The following AFF4 variants were observed in gnomAD, a reference collection of about 807,000 sequenced individuals.
AFF4 encodes the protein AF4/FMR2 family member 4.
In AFF4, 13 loss-of-function variants were observed where a neutral mutation model predicts 124.8. The observed-to-expected ratio is 0.10, with a 90% confidence interval of 0.07 to 0.17. AFF4 has a LOEUF of 0.17. AFF4 is among the 10% of genes least tolerant of loss of function. The probability of loss-of-function intolerance (pLI) is 1.00; values close to 1 mark genes in which losing one functional copy is unlikely to be tolerated. For synonymous variants in AFF4, 477 were observed against 496.1 expected, an observed-to-expected ratio of 0.96 and a Z score of 0.51; for missense variants, 1,092 against 1,403.8, an observed-to-expected ratio of 0.78 and a Z score of 3.55.
Position 132,934,511 on chromosome 5 carries a change from T to A in AFF4, c.554A>T (p.Gln185Leu), listed in dbSNP as rs137880283. ...KSRSSSPGKP[Q>L]AVSSLNSSHS... ...ACTAGAGTTTAATGAAGAAACAGCC[T>A]GGGGTTTTCCAGGGCTGGAAGAACG... is the stretch of plus-strand genomic sequence containing the variant. Residue 185 changes from glutamine to leucine, a missense_variant, in exon 3 of 21, where the codon CAG becomes CTG. This residue lies in a region of AFF4 where 188 missense variants were observed against 203.0 expected (regional missense o/e 0.93). Coordinates refer to ENST00000265343, the MANE Select transcript of AFF4 (RefSeq NM_014423.4). The A allele has an allele frequency of 2.2e-3, 3,515 of 1,614,132 alleles. 56 individuals are homozygous for A. In the Admixed American group the frequency reaches 0.028, roughly 13 times the overall value.
At chr5:132,947,760 T>G in intron 1 of AFF4, among the ~76,000 whole-genome samples, 1 of 152,188 alleles carries the variant, frequency 6.6e-6, no homozygotes, top group East Asian at 1.9e-4. Flanking sequence ...TGAGACAGTC[T>G]GAAGAGGTCA....
At position 132,878,234 on chromosome 5, in the gene AFF4, T is replaced by G. The variant is rs1374693963; in HGVS notation, c.*2825A>C. On this transcript the variant is annotated 3_prime_UTR_variant, in exon 21 of 21. Coordinates refer to ENST00000265343, the MANE Select transcript of AFF4 (RefSeq NM_014423.4). The stretch of plus-strand genomic sequence containing the variant: ...CCCAGTCTGGCCCAGGCAAGACTAC[T>G]GTGACAACTGCAACCACTGCAATTG... The G allele has an allele frequency of 8.8e-6, 2 of 228,386 alleles. 1 individual carries two copies. Among genetic ancestry groups the G allele is most frequent in the East Asian group, 1.2e-4 (2 of 16,036 alleles). The allele number at this position is 228,386 out of a possible 1,614,324, so 14.1% of individuals were successfully genotyped here. A position where few individuals can be genotyped will look rare whatever the true frequency, so the allele number is the denominator to read the frequency against.
chr5:132,934,090 G>C, intron 3 of AFF4, 57 bp downstream of exon 3: 1 of 1,517,740 alleles, frequency 6.6e-7, no homozygotes, highest in Non-Finnish European at 8.9e-7. Context: ...GTAATTTCAT[G>C]ATCAGTCAAT....
At chr5:132,950,623 C>T (rs745769826) in intron 1 of AFF4, among the ~76,000 whole-genome samples, 12 of 151,450 alleles carry the variant, frequency 7.9e-5, no homozygotes, top group Non-Finnish European at 1.3e-4. Context: ...CACTCCAGCC[C>T]AGGCGACGGT....
intron 1 of AFF4, among the ~76,000 whole-genome samples, chr5:132,954,385 C>T (rs868126142): frequency 3.6e-4 from 55 of 152,282 alleles, no homozygotes; most frequent in Middle Eastern, 3.4e-3. Context: ...GCTTACCTGC[C>T]ATGCTCAAAC....
chr5:132,903,162 A>T (rs1760592368), intron 6 of AFF4, among the ~76,000 whole-genome samples: 1 of 152,232 alleles, frequency 6.6e-6, no homozygotes, highest in Admixed American at 6.5e-5. Context: ...CAAAAAGAAG[A>T]GAGAAAATGT....
chr5:132,897,082 A>G lies in AFF4; in HGVS notation c.1548T>C (p.Thr516=). The G allele has an allele frequency of 6.2e-7, 1 of 1,614,142 alleles. No individual in the cohort carries two copies. Among genetic ancestry groups the G allele is most frequent in the Non-Finnish European group, 8.5e-7 (1 of 1,180,022 alleles). Residue 516 remains threonine (T), a synonymous_variant, in exon 11 of 21, where the codon ACT becomes ACC. Coordinates refer to ENST00000265343, the MANE Select transcript of AFF4 (RefSeq NM_014423.4). ...GREQGTGNSY[T]DTSGPKETSS... is the part of the protein sequence containing the mutation. ...TCGTTTCTTTAGGTCCACTTGTATC[A>G]GTGTAGCTATTCCCAGTGCCCTGCT... is the stretch of plus-strand genomic sequence containing the variant.
At chr5:132,927,395 A>G (rs1373389448) in intron 4 of AFF4, 188 bp from the exon 5 acceptor site, 1 of 490,022 alleles carries the variant, frequency 2.0e-6, no homozygotes. Flanking sequence ...GAAGATTAAT[A>G]AATGCTCCCT....
chr5:132,910,390 A>G (rs1372868252), intron 5 of AFF4, among the ~76,000 whole-genome samples: 2 of 152,154 alleles, frequency 1.3e-5, no homozygotes, highest in East Asian at 3.8e-4. Flanking sequence ...TTATCAACCC[A>G]CATCTTGCTA....
At chr5:132,924,249 G>A (rs948635648) in intron 5 of AFF4, among the ~76,000 whole-genome samples, 5 of 151,692 alleles carry the variant, frequency 3.3e-5, no homozygotes, top group African/African-American at 9.7e-5. Context: ...CTGAGACTCT[G>A]TCTCAAAAAA....
intron 13 of AFF4, among the ~76,000 whole-genome samples, chr5:132,889,811 A>G (rs1428745668): frequency 2.0e-5 from 3 of 151,680 alleles, no homozygotes; most frequent in Non-Finnish European, 4.4e-5. Context: ...TCTTTTTTTT[A>G]TTTTAAGAGA....
chr5:132,954,588 C>T (rs543748430), intron 1 of AFF4, among the ~76,000 whole-genome samples: 107 of 145,204 alleles, frequency 7.4e-4, no homozygotes, highest in African/African-American at 2.5e-3. Context: ...CGCTCTGTCG[C>T]CCAGGCTGGA....
At chr5:132,936,995 C>G in intron 2 of AFF4, 72 bp downstream of exon 2, 1 of 1,523,612 alleles carries the variant, frequency 6.6e-7, no homozygotes. Flanking sequence ...TATAAACATT[C>G]AAGTGTGAAA....
chr5:132,877,678 T>G lies in AFF4; in HGVS notation c.*3381A>C. 4.7e-6 allele frequency: 1 copy of G among 211,796 alleles called. No individual in the cohort carries two copies. The allele number at this position is 211,796 out of a possible 1,614,324, so 13.1% of individuals were successfully genotyped here. On this transcript the variant is annotated 3_prime_UTR_variant, in exon 21 of 21. Coordinates refer to ENST00000265343, the MANE Select transcript of AFF4 (RefSeq NM_014423.4). ...TGGCTGCTCTGAAACTCCAGAGTAC[T>G]GGCCTCTAGAGCCAGAACTTTCATT...
At chr5:132,934,090 G>A (rs1761362510) in intron 3 of AFF4, 57 bp downstream of exon 3, 2 of 1,517,740 alleles carry the variant, frequency 1.3e-6, no homozygotes, top group Non-Finnish European at 1.8e-6. Flanking sequence ...GTAATTTCAT[G>A]ATCAGTCAAT....
At chr5:132,898,502 T>TAA in intron 9 of AFF4, 110 bp from the exon 10 acceptor site, 1 of 966,578 alleles carries the variant, frequency 1.0e-6, no homozygotes, top group Middle Eastern at 3.5e-4. Context: ...TTTTTTTTTT[T>TAA]AGACGGAGTC....
At chr5:132,891,425 T>C (rs1257106123) in intron 13 of AFF4, among the ~76,000 whole-genome samples, 1 of 152,198 alleles carries the variant, frequency 6.6e-6, no homozygotes, top group African/African-American at 2.4e-5. Context: ...ATCAGAACAG[T>C]TTAGAAAGCA....
At chr5:132,932,146 G>A in intron 4 of AFF4, 32 bp downstream of exon 4, 1 of 1,541,306 alleles carries the variant, frequency 6.5e-7, no homozygotes, top group Non-Finnish European at 8.8e-7. Flanking sequence ...AAAAATTAAA[G>A]AAATTGAAAT....
At chr5:132,947,966 TTTC>T (rs1376915353) in intron 1 of AFF4, among the ~76,000 whole-genome samples, 1 of 152,236 alleles carries the variant, frequency 6.6e-6, no homozygotes, top group African/African-American at 2.4e-5. Context: ...ACATTTTTGC[TTTC>T]TTCATCACAT....
Sources: allele counts gnomAD v4.1 joint callset (sites outside exome capture counted in the v4.1 genomes callset), GRCh38; gene constraint gnomAD v4.1.1; regional missense constraint gnomAD v4.1.1; transcripts MANE v1.5; gene names NCBI Gene and HGNC (gene_info 2026-07-23, HGNC 2026-07-21).